Variants in ZNG1B observed in about 807,000 individuals in gnomAD.
The protein encoded by ZNG1B is Zn regulated GTPase metalloprotein activator 1B, also known as zinc-regulated GTPase metalloprotein activator 1B.
chr2:113,481,888 C>G, the ZNG1B span: 1 of 304,512 alleles, frequency 3.3e-6, no homozygotes, highest in East Asian at 6.7e-5. Flanking sequence ...AAGAAATTTA[C>G]TGACATATTT....
the ZNG1B span, chr2:113,447,365 C>T: frequency 2.4e-6 from 1 of 421,700 alleles, no homozygotes; most frequent in South Asian, 1.7e-5. Flanking sequence ...ACATACATAC[C>T]TTAATTAAAA....
chr2:113,441,729 GTTTATTTTTTAT>G, the ZNG1B span: 2,104 of 174,654 alleles, frequency 0.012, no homozygotes, highest in South Asian at 0.046. Flanking sequence ...ATGAAAAAAC[GTTTATTTTTTAT>G]TTTATTTTAT....
chr2:113,443,856 TC>T, the ZNG1B span: 1 of 1,575,702 alleles, frequency 6.3e-7, no homozygotes, highest in Non-Finnish European at 8.6e-7. Flanking sequence ...CCTCTGCTGT[TC>T]AGTGAAGTGA....
the ZNG1B span, among the ~76,000 whole-genome samples, chr2:113,449,007 A>G: frequency 6.6e-6 from 1 of 152,192 alleles, no homozygotes. Flanking sequence ...CAGCTTCTAT[A>G]TCAGCATTTG....
chr2:113,441,267 C>T, the ZNG1B span: 4 of 1,394,124 alleles, frequency 2.9e-6, no homozygotes, highest in Admixed American at 2.4e-5. Flanking sequence ...CGCAAATTCT[C>T]AAAAACGTTA....
At chr2:113,439,534 G>C in the ZNG1B span, among the ~76,000 whole-genome samples, 3 of 152,124 alleles carry the variant, frequency 2.0e-5, no homozygotes, top group Non-Finnish European at 4.4e-5. Flanking sequence ...TAGCCTTAAT[G>C]ATCTTTATAA....
the ZNG1B span, chr2:113,495,927 T>C: frequency 2.9e-6 from 2 of 682,198 alleles, no homozygotes; most frequent in Non-Finnish European, 4.3e-6. Flanking sequence ...CATACAGTTA[T>C]ATATAATATC....
chr2:113,481,406 A>T, the ZNG1B span: 1 of 151,602 alleles, frequency 6.6e-6, no homozygotes, highest in Non-Finnish European at 1.5e-5. Context: ...CCCCAAAGAG[A>T]CTCATTCCCT....
the ZNG1B span, among the ~76,000 whole-genome samples, chr2:113,485,252 T>C: frequency 7.3e-6 from 1 of 136,926 alleles, no homozygotes; most frequent in Non-Finnish European, 1.5e-5. Flanking sequence ...GAGAATCTTA[T>C]AGATGAGTAG....
At chr2:113,473,970 C>T in the ZNG1B span, among the ~76,000 whole-genome samples, 5 of 149,110 alleles carry the variant, frequency 3.4e-5, no homozygotes, top group Non-Finnish European at 5.9e-5. Flanking sequence ...TGTCTCTGCC[C>T]GGCTTTGGTA....
the ZNG1B span, among the ~76,000 whole-genome samples, chr2:113,488,981 A>G: frequency 2.2e-5 from 3 of 139,410 alleles, no homozygotes; most frequent in Non-Finnish European, 4.6e-5. Context: ...CAGCTTTGCT[A>G]GAGACCTAGA....
At chr2:113,439,288 C>A in the ZNG1B span, among the ~76,000 whole-genome samples, 1 of 151,942 alleles carries the variant, frequency 6.6e-6, no homozygotes, top group Non-Finnish European at 1.5e-5. Flanking sequence ...ATTTTTCCAC[C>A]TGCTTCTCTG....
At chr2:113,495,293 A>G in the ZNG1B span, 2 of 1,512,436 alleles carry the variant, frequency 1.3e-6, no homozygotes, top group Non-Finnish European at 1.8e-6. Flanking sequence ...AGTGAAAAAT[A>G]TATTTGAAAG....
the ZNG1B span, among the ~76,000 whole-genome samples, chr2:113,475,488 C>T: frequency 6.7e-6 from 1 of 149,616 alleles, no homozygotes; most frequent in Non-Finnish European, 1.5e-5. Context: ...AGTCCATTTA[C>T]ATTTAAAGTT....
the ZNG1B span, among the ~76,000 whole-genome samples, chr2:113,458,399 A>T: frequency 6.6e-6 from 1 of 151,974 alleles, no homozygotes; most frequent in African/African-American, 2.4e-5. Flanking sequence ...ATAGAAGAGG[A>T]CATTTATCTC....
the ZNG1B span, chr2:113,437,908 C>G: frequency 6.2e-7 from 1 of 1,611,908 alleles, no homozygotes; most frequent in East Asian, 2.2e-5. Flanking sequence ...GGAGGAGGAT[C>G]CTGCGGAGGA....
the ZNG1B span, chr2:113,437,708 T>A: frequency 7.1e-5 from 107 of 1,515,328 alleles, no homozygotes; most frequent in Non-Finnish European, 9.3e-5. Flanking sequence ...GAGGCGCTTC[T>A]CGTCCAGAGC....
the ZNG1B span, chr2:113,460,702 T>C: frequency 6.8e-5 from 109 of 1,594,844 alleles, 2 homozygotes; most frequent in South Asian, 1.1e-3. Context: ...CTGATGGCCT[T>C]ATCAATGAAG....
At chr2:113,475,531 T>A in the ZNG1B span, among the ~76,000 whole-genome samples, 1 of 151,206 alleles carries the variant, frequency 6.6e-6, no homozygotes, top group Non-Finnish European at 1.5e-5. Context: ...ATCCTGTCAT[T>A]ATGATGTTAG....
Sources: allele counts gnomAD v4.1 joint callset (sites outside exome capture counted in the v4.1 genomes callset), GRCh38; gene constraint gnomAD v4.1.1; transcripts MANE v1.5; gene names NCBI Gene and HGNC (gene_info 2026-07-23, HGNC 2026-07-21).